PDE6B: variants seen among roughly 807,000 people sequenced by gnomAD.
PDE6B encodes the protein phosphodiesterase 6B.
Under a neutral mutation model 109.0 loss-of-function variants are expected in PDE6B, and 106 were observed. That is an observed-to-expected ratio of 0.97 (90% CI 0.83 to 1.14). PDE6B has a LOEUF of 1.14. Among genes scored for constraint, PDE6B ranks in the 50% most tolerant of loss-of-function variants. The pLI is 0.00. For missense variants in PDE6B, 1,193 were observed against 1,155.6 expected (o/e 1.03, Z -0.47); for synonymous variants, 490 against 471.3 (o/e 1.04, Z -0.51).
In PDE6B at chr4:656,050, T is replaced by G. The variant is rs780412301; in HGVS notation, c.1059+44T>G. 2.4e-6 allele frequency: 3 copies of G among 1,276,336 alleles called. No individual in the cohort carries two copies. In the East Asian group the frequency reaches 6.9e-5, roughly 29 times the overall value. The allele number at this position is 1,276,336 out of a possible 1,614,324, so 79.1% of individuals were successfully genotyped here. On this transcript the variant is annotated intron_variant, in intron 7 of 21. Coordinates refer to ENST00000496514, the MANE Select transcript of PDE6B (RefSeq NM_000283.4). ...GGAGTCCCCACAGCCTTGCCCTCAC[T>G]GGGTGCGGCGATGTGTGCTTCTCCT...
chr4:666,269 AG>A lies in PDE6B; in HGVS notation c.2269-257del, dbSNP rs1230576714. 1.3e-5 allele frequency among the ~76,000 whole-genome samples: 2 copies of A among 152,054 alleles called. No individual in the cohort carries two copies. The highest frequency in any genetic ancestry group is 6.5e-5 in the Admixed American group (1 of 15,288). On this transcript the variant is annotated intron_variant, in intron 19 of 21. Coordinates refer to ENST00000496514, the MANE Select transcript of PDE6B (RefSeq NM_000283.4). The surrounding 1 kb of genome is among the most constrained non-coding windows in gnomAD (Gnocchi z 5.6). Reference sequence around the variant, plus strand: ...TGCAGTAAGGGTCCCCAGAGCCAAGAGGGGGCTGCCCTCAGGGGACCACGGG... The same window carrying A: ...TGCAGTAAGGGTCCCCAGAGCCAAGAGGGGCTGCCCTCAGGGGACCACGGG...
Position 632,552 on chromosome 4 carries a change from G to A in PDE6B, c.469-2125G>A, listed in dbSNP as rs566843400. On this transcript the variant is annotated intron_variant, in intron 1 of 21. Transcript: ENST00000496514. The stretch of plus-strand genomic sequence containing the variant: ...ATGTTGTGTGGATCTGCATGGTGCC[G>A]TCTGGGGGTCACATGGTGGGGATCT... 1.0e-4 allele frequency among the ~76,000 whole-genome samples: 15 copies of A among 146,200 alleles called. No homozygotes were observed. The South Asian group carries it at 1.1e-3, about 11-fold the overall frequency.
In PDE6B at chr4:666,022, G is replaced by A. The variant is rs1314501812; in HGVS notation, c.2269-509G>A. 1.3e-5 allele frequency among the ~76,000 whole-genome samples: 2 copies of A among 152,078 alleles called. No homozygotes were observed. Among genetic ancestry groups the A allele is most frequent in the Non-Finnish European group, 1.5e-5 (1 of 67,996 alleles). ...GGCAGCAGGTCCATCCCCCGCGCCCGGCCTCTAGAGTCCTGCATGGTTCAC... is the reference window on the plus strand; with the variant it reads ...GGCAGCAGGTCCATCCCCCGCGCCCAGCCTCTAGAGTCCTGCATGGTTCAC... On this transcript the variant is annotated intron_variant, in intron 19 of 21. Coordinates refer to ENST00000496514, the MANE Select transcript of PDE6B (RefSeq NM_000283.4). The surrounding 1 kb of genome is among the most constrained non-coding windows in gnomAD (Gnocchi z 5.6).
chr4:643,081 G>A (rs571588138), intron 3 of PDE6B, among the ~76,000 whole-genome samples: 21 of 152,140 alleles, frequency 1.4e-4, no homozygotes, highest in South Asian at 2.1e-4. Context: ...AGGTTGAGGC[G>A]GGCGGATCAC....
At position 625,653 on chromosome 4, in the gene PDE6B, G is replaced by T; in HGVS notation, c.27G>T (p.Arg9=). 6.2e-7 allele frequency: 1 copy of T among 1,613,916 alleles called. No individual in the cohort carries two copies. Among genetic ancestry groups the T allele is most frequent in the Non-Finnish European group, 8.5e-7 (1 of 1,179,910 alleles). Residue 9 remains arginine (R), a synonymous_variant, in exon 1 of 22, where the codon CGG becomes CGT. Transcript: ENST00000496514. This position sits in a 1 kb window ranked among gnomAD's most constrained non-coding sequence, Gnocchi z 5.0. ...TGAGCCTCAGTGAGGAGCAGGCCCG[G>T]AGCTTTCTGGACCAGAACCCCGATT... is the stretch of plus-strand genomic sequence containing the variant. MSLSEEQA[R]SFLDQNPDFA...
chr4:654,165 G>T lies in PDE6B; in HGVS notation c.927+11G>T. On this transcript the variant is annotated intron_variant, in intron 5 of 21. Transcript: ENST00000496514. The stretch of plus-strand genomic sequence containing the variant: ...ACGCCTGATGGCCGGGTGAGTCTTA[G>T]GGGAGGGGCCCAGGGCCTGTCCACA... 6.2e-7 allele frequency: 1 copy of T among 1,611,530 alleles called. No homozygotes were observed. Among genetic ancestry groups the T allele is most frequent in the Non-Finnish European group, 8.5e-7 (1 of 1,178,294 alleles).
At chr4:650,010 A>G (rs1424509786) in intron 3 of PDE6B, among the ~76,000 whole-genome samples, 1 of 152,210 alleles carries the variant, frequency 6.6e-6, no homozygotes, top group African/African-American at 2.4e-5. Flanking sequence ...ACCCCAGTCA[A>G]TGCAGGAGGG....
chr4:633,518 G>T lies in PDE6B; in HGVS notation c.469-1159G>T, dbSNP rs1734491961. 6.6e-6 allele frequency among the ~76,000 whole-genome samples: 1 copy of T among 152,156 alleles called. No individual in the cohort carries two copies. Among genetic ancestry groups the T allele is most frequent in the South Asian group, 2.1e-4 (1 of 4,828 alleles). On this transcript the variant is annotated intron_variant, in intron 1 of 21. Transcript: ENST00000496514. The surrounding 1 kb of genome is among the most constrained non-coding windows in gnomAD (Gnocchi z 4.5). The stretch of plus-strand genomic sequence containing the variant: ...CAGGGGAAGGGGGTGGAGGGGAGTT[G>T]CGAGGAGTCTGCCCTCTGCTGCTGC...
At chr4:664,336 C>T (rs994838369) in intron 17 of PDE6B, 115 bp downstream of exon 17, 11 of 729,702 alleles carry the variant, frequency 1.5e-5, no homozygotes, top group Admixed American at 9.8e-5. Context: ...AAGAGCCCGT[C>T]GCGGCAGCTT....
At position 657,500 on chromosome 4, in the gene PDE6B, G is replaced by A; in HGVS notation, c.1401+6G>A. The stretch of plus-strand genomic sequence containing the variant: ...ACGAGATCCAGCTCATCCTGGTGCG[G>A]CGGGGCAGGACGTCCAGGGGTCACC... On this transcript the variant is annotated splice_donor_region_variant and intron_variant, in intron 10 of 21. Coordinates refer to ENST00000496514, the MANE Select transcript of PDE6B (RefSeq NM_000283.4). 6.8e-7 allele frequency: 1 copy of A among 1,466,918 alleles called. No homozygotes were observed. Among genetic ancestry groups the A allele is most frequent in the Non-Finnish European group, 9.5e-7 (1 of 1,051,114 alleles). 90.9% of individuals were successfully genotyped at this position (1,466,918 alleles called of 1,614,324 possible).
chr4:664,703 C>G (rs1307463651), intron 17 of PDE6B, among the ~76,000 whole-genome samples, 178 bp from the exon 18 acceptor site: 1 of 152,314 alleles, frequency 6.6e-6, no homozygotes, highest in Middle Eastern at 3.4e-3. Context: ...GTAATCCCAG[C>G]TACTCGGGAG....
chr4:649,479 C>T (rs1735384588), intron 3 of PDE6B, among the ~76,000 whole-genome samples: 1 of 152,144 alleles, frequency 6.6e-6, no homozygotes, highest in Admixed American at 6.5e-5. Context: ...GACCAGGCCT[C>T]CAAGGGACGC....
At chr4:635,547 G>A (rs927067737) in intron 2 of PDE6B, among the ~76,000 whole-genome samples, 3 of 144,170 alleles carry the variant, frequency 2.1e-5, no homozygotes, top group South Asian at 2.2e-4. Flanking sequence ...GCCTGCCCGC[G>A]TGTTCTGTGC....
chr4:634,855 C>G (rs1560104274), intron 2 of PDE6B, 26 bp downstream of exon 2: 1 of 1,606,144 alleles, frequency 6.2e-7, no homozygotes. Context: ...ACCTGGGCAG[C>G]CGCGCGTCTG....
chr4:643,036 G>A (rs1735020897), intron 3 of PDE6B, among the ~76,000 whole-genome samples: 2 of 151,900 alleles, frequency 1.3e-5, no homozygotes, highest in Admixed American at 1.3e-4. Flanking sequence ...TAAGCCGGGT[G>A]TGGTGGCTCA....
rs36093261 is a variant in PDE6B, at chr4:662,834, T to TAAAAAAA, written c.1832+232_1832+238dup. On this transcript the variant is annotated intron_variant, in intron 14 of 21. Transcript: ENST00000496514. The surrounding 1 kb of genome is among the most constrained non-coding windows in gnomAD (Gnocchi z 4.3). ...GCAAGAGCTCTCCTCTACAAAAACT[T>TAAAAAAA]AAAAAAAAAAAAAAAAAAAAAAGCT... Among the ~76,000 whole-genome samples, 1 of 92,158 alleles carries TAAAAAAA rather than the reference T, an allele frequency of 1.1e-5. No individual in the cohort carries two copies. Among genetic ancestry groups the TAAAAAAA allele is most frequent in the African/African-American group, 4.2e-5 (1 of 23,962 alleles). The allele number at this position is 92,158 out of a possible 152,430, so 60.5% of individuals were successfully genotyped here.
At position 648,831 on chromosome 4, in the gene PDE6B, A is replaced by T. The variant is rs1735341065; in HGVS notation, c.712-5021A>T. 6.6e-6 allele frequency among the ~76,000 whole-genome samples: 1 copy of T among 152,246 alleles called. No homozygotes were observed. The highest frequency in any genetic ancestry group is 2.1e-4 in the South Asian group (1 of 4,836). On this transcript the variant is annotated intron_variant, in intron 3 of 21. Transcript: ENST00000496514. The surrounding 1 kb of genome is among the most constrained non-coding windows in gnomAD (Gnocchi z 4.5). ...TGCAGCTCTCACCTTCAGGCCGGCC[A>T]TGCGTCAGGACCCGGTGGCTCGCTG... is the stretch of plus-strand genomic sequence containing the variant.
intron 11 of PDE6B, among the ~76,000 whole-genome samples, chr4:659,427 G>A (rs575663077): frequency 4.6e-5 from 7 of 152,266 alleles, no homozygotes; most frequent in East Asian, 1.9e-4. Context: ...GTGTGCATCC[G>A]CATGTGTGCA....
intron 20 of PDE6B, 85 bp from the exon 21 acceptor site, chr4:667,771 G>A (rs1010942842): frequency 1.6e-5 from 23 of 1,440,344 alleles, no homozygotes; most frequent in African/African-American, 5.6e-5. Context: ...CATCCCCTAC[G>A]AGGGGGATGA....
Sources: allele counts gnomAD v4.1 joint callset (sites outside exome capture counted in the v4.1 genomes callset), GRCh38; gene constraint gnomAD v4.1.1; non-coding constraint Gnocchi (gnomAD v3.1); transcripts MANE v1.5; gene names NCBI Gene and HGNC (gene_info 2026-07-23, HGNC 2026-07-21).